CEP250: variants seen among roughly 807,000 people sequenced by gnomAD.
CEP250 encodes centrosomal protein 250.
In CEP250, 242 loss-of-function variants were observed where a neutral mutation model predicts 315.7. That is an observed-to-expected ratio of 0.77 (90% confidence interval 0.69 to 0.85). The LOEUF (loss-of-function observed/expected upper bound fraction) is 0.85, where lower values mean the gene tolerates loss of function less well. Ranked by LOEUF, CEP250 falls within the 40% of genes least tolerant of loss-of-function variation. The probability of loss-of-function intolerance (pLI) is 0.00; values close to 1 mark genes in which losing one functional copy is unlikely to be tolerated. For missense variants in CEP250, 2,515 were observed against 2,886.4 expected (o/e 0.87, Z 2.95); for synonymous variants, 1,088 against 1,175.0 (o/e 0.93, Z 1.51).
intron 27 of CEP250, among the ~76,000 whole-genome samples, chr20:35,499,111 C>A (rs762298625): frequency 6.6e-6 from 1 of 152,114 alleles, no homozygotes; most frequent in Non-Finnish European, 1.5e-5. Context: ...CCCATCTCTA[C>A]TAAAAATACA....
rs776939566 is a variant in CEP250 at position 35,490,804 on chromosome 20, G to A, written c.2754G>A (p.Gln918=). The part of the protein sequence containing the change: ...ERTQAESALC[Q]MQLETEKERV... ...CCCAGGCAGAGAGTGCCCTATGCCA[G>A]GTGGGAAGCTAGGAGGATTGGAGCT... is the stretch of plus-strand genomic sequence containing the variant. Residue 918 remains glutamine, a splice_region_variant and synonymous_variant, in exon 21 of 35, where the codon CAG becomes CAA. Transcript: ENST00000397527. The A allele has an allele frequency of 1.5e-5, 24 of 1,611,952 alleles. No individual in the cohort carries two copies. The highest frequency in any genetic ancestry group is 1.9e-5 in the Non-Finnish European group (23 of 1,179,762).
chr20:35,467,943 C>CTTTTTTT lies in CEP250; in HGVS notation c.851+402_851+408dup, dbSNP rs10649518. On this transcript the variant is annotated intron_variant, in intron 9 of 34. Transcript: ENST00000397527. ...CTAAGACATAGTTCAAATATTACCT[C>CTTTTTTT]TTTTTTTTTTTTTTTTTTTTGAGAC... Among the ~76,000 whole-genome samples the CTTTTTTT allele has an allele frequency of 2.8e-3, 326 of 117,946 alleles. 10 individuals are homozygous for CTTTTTTT. Among genetic ancestry groups the CTTTTTTT allele is most frequent in the African/African-American group, 0.01 (286 of 28,430 alleles). The allele number at this position is 117,946 out of a possible 152,430, so 77.4% of individuals were successfully genotyped here.
At chr20:35,493,224 C>G (rs992754838) in intron 22 of CEP250, among the ~76,000 whole-genome samples, 1 of 151,750 alleles carries the variant, frequency 6.6e-6, no homozygotes, top group Non-Finnish European at 1.5e-5. Flanking sequence ...AGGTGAGAGA[C>G]TATTACCAAT....
intron 30 of CEP250, among the ~76,000 whole-genome samples, chr20:35,505,500 A>G (rs1174458215): frequency 1.3e-5 from 2 of 152,132 alleles, no homozygotes; most frequent in Non-Finnish European, 2.9e-5. Flanking sequence ...TAAAAATACA[A>G]AAATTAGCCA....
chr20:35,507,905 G>C, intron 31 of CEP250, 54 bp downstream of exon 31: 1 of 1,598,884 alleles, frequency 6.3e-7, no homozygotes, highest in Admixed American at 1.7e-5. Context: ...TCCTGTCCAG[G>C]GGTTTGTCCC....
rs1260560947 is a variant in CEP250, at chr20:35,504,315, G to A, written c.5946G>A (p.Gln1982=). 1.3e-6 allele frequency: 2 copies of A among 1,589,270 alleles called. No homozygotes were observed. The highest frequency in any genetic ancestry group is 3.6e-5 in the Admixed American group (2 of 55,626). ...KAHAALQGKE[Q]HLLEQAELSR... Reference sequence around the variant, plus strand: ...ATGCTGCCCTGCAGGGGAAAGAGCAGCATCTCCTCGAGCAGGCAGAATTGA... The same window carrying A: ...ATGCTGCCCTGCAGGGGAAAGAGCAACATCTCCTCGAGCAGGCAGAATTGA... Residue 1982 remains glutamine, a synonymous_variant, in exon 30 of 35, where the codon CAG becomes CAA. Coordinates refer to ENST00000397527, the MANE Select transcript of CEP250 (RefSeq NM_007186.6).
At position 35,467,620 on chromosome 20, in the gene CEP250, G is replaced by A. The variant is rs2062920479; in HGVS notation, c.851+65G>A. On this transcript the variant is annotated intron_variant, in intron 9 of 34. Coordinates refer to ENST00000397527, the MANE Select transcript of CEP250 (RefSeq NM_007186.6). ...AGAGCTGACTCCTTTAGAGGGTTAG[G>A]GACAGGCAGGGGGAGGTGCCAGGAA... 6 of 1,527,714 alleles carry A rather than the reference G, an allele frequency of 3.9e-6. No homozygotes were observed. In the South Asian group the frequency reaches 4.8e-5, roughly 12 times the overall value. 94.6% of individuals were successfully genotyped at this position (1,527,714 alleles called of 1,614,324 possible).
chr20:35,517,006 G>A lies in CEP250; in HGVS notation c.*5380G>A. 1 of 985,592 alleles carries A rather than the reference G, an allele frequency of 1.0e-6. No individual in the cohort carries two copies. Among genetic ancestry groups the A allele is most frequent in the Non-Finnish European group, 1.2e-6 (1 of 830,030 alleles). The allele number at this position is 985,592 out of a possible 1,614,324, so 61.1% of individuals were successfully genotyped here. ...GGGCAGAGCACATGGCAAGTGGCAT[G>A]CTGACTCAGACACCGGGCACTGAGA... On this transcript the variant is annotated 3_prime_UTR_variant, in exon 35 of 35. Transcript: ENST00000397527.
intron 3 of CEP250, among the ~76,000 whole-genome samples, chr20:35,462,017 C>T (rs559388267): frequency 6.6e-6 from 1 of 152,310 alleles, no homozygotes; most frequent in East Asian, 1.9e-4. Context: ...GTTTCTGAAC[C>T]ACTGTGCCAG....
At chr20:35,479,805 A>G (rs1193375475) in intron 19 of CEP250, 32 bp downstream of exon 19, 6 of 1,613,778 alleles carry the variant, frequency 3.7e-6, no homozygotes, top group Non-Finnish European at 5.1e-6. Context: ...GATGCACTCC[A>G]TTCCATGGAG....
chr20:35,513,046 CCA>C lies in CEP250; in HGVS notation c.*1425_*1426del, dbSNP rs985522467. 2 of 152,214 alleles carry C rather than the reference CCA, an allele frequency of 1.3e-5. No homozygotes were observed. The highest frequency in any genetic ancestry group is 4.8e-5 in the African/African-American group (2 of 41,446). The allele number at this position is 152,214 out of a possible 1,614,324, so 9.4% of individuals were successfully genotyped here. Reference sequence around the variant, plus strand: ...CTCAGCCCCATTATGTCTCATTGCACCACACAGAGTGGAAATGGGGCTGTTCA... The same window carrying C: ...CTCAGCCCCATTATGTCTCATTGCACCACAGAGTGGAAATGGGGCTGTTCA... On this transcript the variant is annotated 3_prime_UTR_variant, in exon 35 of 35. Coordinates refer to ENST00000397527, the MANE Select transcript of CEP250 (RefSeq NM_007186.6).
chr20:35,507,692 A>G, intron 30 of CEP250, 46 bp from the exon 31 acceptor site: 2 of 1,460,242 alleles, frequency 1.4e-6, no homozygotes, highest in Non-Finnish European at 1.9e-6. Flanking sequence ...TGGTCTGGAT[A>G]TGAGGTTGGC....
intron 29 of CEP250, 48 bp from the exon 30 acceptor site, chr20:35,502,342 A>G (rs2064030871): frequency 2.0e-6 from 3 of 1,472,778 alleles, no homozygotes; most frequent in Admixed American, 2.1e-5. Context: ...TTGGGGTGAC[A>G]GTAGCAGGGA....
intron 14 of CEP250, chr20:35,474,716 G>A (rs1024185338): frequency 4.3e-6 from 2 of 460,812 alleles, no homozygotes; most frequent in Non-Finnish European, 4.5e-6. Flanking sequence ...CTTTGAGCTA[G>A]GCAGAAGCTT....
At position 35,497,987 on chromosome 20, in the gene CEP250, C is replaced by G. The variant is rs369355571; in HGVS notation, c.3575C>G (p.Ala1192Gly). Reference sequence around the variant, plus strand: ...AGCCTCTACTCTGCCCTGCAGCAGGCCCTGGGGTCTGTTTGTGAGAGCAGG... The same window carrying G: ...AGCCTCTACTCTGCCCTGCAGCAGGGCCTGGGGTCTGTTTGTGAGAGCAGG... ...LASLYSALQQ[A>G]LGSVCESRPE... Residue 1192 changes from alanine to glycine, a missense_variant, in exon 26 of 35, where the codon GCC becomes GGC. By Grantham distance (60) the Ala-to-Gly change is moderately conservative. Transcript: ENST00000397527. The G allele has an allele frequency of 1.2e-6, 2 of 1,613,218 alleles. No homozygotes were observed. The highest frequency in any genetic ancestry group is 1.7e-6 in the Non-Finnish European group (2 of 1,179,666).
At chr20:35,500,325 C>T (rs1253775153) in intron 28 of CEP250, among the ~76,000 whole-genome samples, 156 bp downstream of exon 28, 2 of 152,214 alleles carry the variant, frequency 1.3e-5, no homozygotes, top group African/African-American at 2.4e-5. Flanking sequence ...TACAATGTCA[C>T]GACTTCGGCT....
chr20:35,465,240 C>T (rs369974314), intron 5 of CEP250, among the ~76,000 whole-genome samples: 19 of 151,908 alleles, frequency 1.3e-4, no homozygotes, highest in Admixed American at 5.9e-4. Context: ...GCCAACATGG[C>T]GAAACCCCAT....
At chr20:35,496,843 G>A in intron 25 of CEP250, 128 bp downstream of exon 25, 3 of 1,011,866 alleles carry the variant, frequency 3.0e-6, no homozygotes, top group Admixed American at 3.0e-5. Flanking sequence ...GGATAGGCTG[G>A]TGCCTCAACA....
In CEP250 at chr20:35,466,074, G is replaced by T; in HGVS notation, c.362G>T (p.Arg121Leu). ...ESLAEVNTQL[R>L]LHMEKADVVN... ...CTAGCAGAGGTGAACACCCAGCTTC[G>T]ACTGCACATGGAAAAAGCTGACGTG... The change falls in exon 7 of 35, where the codon CGA becomes CTA. Residue 121 changes from arginine to leucine, a missense_variant. By Grantham distance (102) the Arg-to-Leu change is moderately radical. Transcript: ENST00000397527. 8 of 1,614,126 alleles carry T rather than the reference G, an allele frequency of 5.0e-6. No homozygotes were observed. The highest frequency in any genetic ancestry group is 6.8e-6 in the Non-Finnish European group (8 of 1,180,032).
Sources: allele counts gnomAD v4.1 joint callset (sites outside exome capture counted in the v4.1 genomes callset), GRCh38; gene constraint gnomAD v4.1.1; transcripts MANE v1.5; gene names NCBI Gene and HGNC (gene_info 2026-07-23, HGNC 2026-07-21).